EBF1: variants seen among roughly 807,000 people sequenced by gnomAD.
EBF1 encodes the protein transcription factor COE1.
In EBF1, 10 loss-of-function variants were observed where a neutral mutation model predicts 68.4. That is an observed-to-expected ratio of 0.15 (90% CI 0.09 to 0.25). The LOEUF is 0.25. EBF1 is among the 10% of genes least tolerant of loss of function. The pLI is 1.00. For synonymous variants in EBF1, 298 were observed against 299.8 expected (o/e 0.99, Z 0.06); for missense variants, 509 against 794.4 (o/e 0.64, Z 4.32).
At chr5:158,787,468 TTTTA>T (rs1777683448) in intron 9 of EBF1, among the ~76,000 whole-genome samples, 1 of 152,226 alleles carries the variant, frequency 6.6e-6, no homozygotes, top group South Asian at 2.1e-4. Context: ...AAGCTTTTTA[TTTTA>T]TTTACTTTTT....
At chr5:158,844,602 T>C (rs1791055131) in intron 6 of EBF1, among the ~76,000 whole-genome samples, 1 of 152,224 alleles carries the variant, frequency 6.6e-6, no homozygotes, top group Non-Finnish European at 1.5e-5. Context: ...ACATAGTTAG[T>C]AATGAATATC....
intron 6 of EBF1, among the ~76,000 whole-genome samples, chr5:158,869,349 C>A (rs909208330): frequency 6.6e-6 from 1 of 152,130 alleles, no homozygotes; most frequent in Non-Finnish European, 1.5e-5. Flanking sequence ...CCCAAAGGAT[C>A]TGGATACCCT....
intron 5 of EBF1, among the ~76,000 whole-genome samples, chr5:159,082,139 T>C (rs944430817): frequency 6.6e-6 from 1 of 152,168 alleles, no homozygotes; most frequent in Non-Finnish European, 1.5e-5. Context: ...TTTTTTCTTT[T>C]TTTTTCCCCC....
chr5:158,755,166 ATTGTT>A (rs1769781679), intron 10 of EBF1, among the ~76,000 whole-genome samples: 1 of 148,894 alleles, frequency 6.7e-6, no homozygotes, highest in East Asian at 1.9e-4. Context: ...ACTAATGTTT[ATTGTT>A]TTGTTTTTTT....
At chr5:158,861,544 C>T (rs920667671) in intron 6 of EBF1, among the ~76,000 whole-genome samples, 1 of 152,184 alleles carries the variant, frequency 6.6e-6, no homozygotes, top group Admixed American at 6.5e-5. Context: ...CCTCCATTGG[C>T]CTGAGCCAGA....
chr5:159,096,765 C>G (rs548124744), intron 2 of EBF1, among the ~76,000 whole-genome samples: 6 of 151,556 alleles, frequency 4.0e-5, no homozygotes, highest in Non-Finnish European at 8.8e-5. Flanking sequence ...CTCTCTCTAG[C>G]TCTGGGGGCT....
At chr5:158,894,539 A>T (rs1801805896) in intron 6 of EBF1, among the ~76,000 whole-genome samples, 1 of 152,172 alleles carries the variant, frequency 6.6e-6, no homozygotes, top group South Asian at 2.1e-4. Flanking sequence ...CCATGATGCT[A>T]AAAAGGTCCC....
chr5:159,064,855 A>G lies in EBF1; in HGVS notation c.554+8541T>C, dbSNP rs189017673. Among the ~76,000 whole-genome samples the G allele has an allele frequency of 2.5e-3, 375 of 151,584 alleles. 2 individuals carry two copies. Among genetic ancestry groups the G allele is most frequent in the Middle Eastern group, 0.01 (3 of 292 alleles). On this transcript the variant is annotated intron_variant, in intron 6 of 15. Coordinates refer to ENST00000313708, the MANE Select transcript of EBF1 (RefSeq NM_024007.5). ...GAACCCTTAACCAACTTTCTTTTCT[A>G]AAGAACTTTTTAAAAAATGAAAAAG...
chr5:159,047,657 C>T lies in EBF1; in HGVS notation c.554+25739G>A, dbSNP rs193302269. Among the ~76,000 whole-genome samples, 274 of 152,236 alleles carry T rather than the reference C, an allele frequency of 1.8e-3. 1 individual carries two copies. The highest frequency in any genetic ancestry group is 1.7e-3 in the South Asian group (8 of 4,824). On this transcript the variant is annotated intron_variant, in intron 6 of 15. Coordinates refer to ENST00000313708, the MANE Select transcript of EBF1 (RefSeq NM_024007.5). ...TCATCCACATGAATTTTATGTTCCC[C>T]TTTGTGTAAAAAGACTCCCTACAAA...
At chr5:159,035,656 C>T (rs950654798) in intron 6 of EBF1, among the ~76,000 whole-genome samples, 3 of 152,220 alleles carry the variant, frequency 2.0e-5, no homozygotes, top group Non-Finnish European at 4.4e-5. Context: ...AGGATGACAA[C>T]AGCTGTTGTC....
chr5:159,071,275 A>G (rs1216307393), intron 6 of EBF1, among the ~76,000 whole-genome samples: 1 of 152,236 alleles, frequency 6.6e-6, no homozygotes, highest in Admixed American at 6.5e-5. Context: ...GCTTGTGCAC[A>G]TACACTGAGT....
chr5:158,944,869 T>G (rs1041448427), intron 6 of EBF1, among the ~76,000 whole-genome samples: 9 of 152,238 alleles, frequency 5.9e-5, no homozygotes, highest in African/African-American at 2.2e-4. Context: ...AAAGTCTTCT[T>G]TAGAAAAATG....
At chr5:159,052,727 G>A (rs113444340) in intron 6 of EBF1, among the ~76,000 whole-genome samples, 4 of 152,214 alleles carry the variant, frequency 2.6e-5, no homozygotes, top group Non-Finnish European at 5.9e-5. Flanking sequence ...TTTTAGTGAA[G>A]CTCACTGCCT....
intron 10 of EBF1, among the ~76,000 whole-genome samples, chr5:158,738,565 T>C (rs1303888544): frequency 6.6e-6 from 1 of 152,234 alleles, no homozygotes; most frequent in Non-Finnish European, 1.5e-5. Flanking sequence ...CCTGAGGTCA[T>C]ATAAGACTCT....
intron 6 of EBF1, among the ~76,000 whole-genome samples, chr5:158,900,236 A>G (rs1368656724): frequency 6.6e-6 from 1 of 152,214 alleles, no homozygotes; most frequent in East Asian, 1.9e-4. Context: ...GCCTGGATCC[A>G]AGAGGCATAT....
At chr5:159,066,328 A>G (rs1040907022) in intron 6 of EBF1, among the ~76,000 whole-genome samples, 3 of 152,186 alleles carry the variant, frequency 2.0e-5, no homozygotes, top group Non-Finnish European at 2.9e-5. Context: ...AATCTATATA[A>G]TTTGCCAGCA....
intron 15 of EBF1, among the ~76,000 whole-genome samples, chr5:158,707,039 G>A (rs1407629082): frequency 6.6e-6 from 1 of 152,176 alleles, no homozygotes; most frequent in Non-Finnish European, 1.5e-5. Context: ...AAGTATTTAG[G>A]AGATGAATGT....
chr5:158,794,245 C>A (rs561035233), intron 9 of EBF1, among the ~76,000 whole-genome samples: 26 of 152,252 alleles, frequency 1.7e-4, no homozygotes, highest in Non-Finnish European at 2.9e-5. Context: ...CTGGCACACA[C>A]AAGGCAGTGG....
At chr5:158,942,928 AG>A (rs1561581239) in intron 6 of EBF1, among the ~76,000 whole-genome samples, 4 of 106,670 alleles carry the variant, frequency 3.7e-5, no homozygotes, top group Admixed American at 9.4e-5. Context: ...GAAGGAGGGG[AG>A]AGGAGAGAAA....
Sources: allele counts gnomAD v4.1 joint callset (sites outside exome capture counted in the v4.1 genomes callset), GRCh38; gene constraint gnomAD v4.1.1; transcripts MANE v1.5; gene names NCBI Gene and HGNC (gene_info 2026-07-23, HGNC 2026-07-21).